SUN1: variants seen among roughly 807,000 people sequenced by gnomAD.
SUN1 encodes the protein SUN domain-containing protein 1.
SUN1 carries 61 observed loss-of-function variants against 103.2 expected under a neutral mutation model. That is an observed-to-expected ratio of 0.59 (90% CI 0.48 to 0.73). The LOEUF (loss-of-function observed/expected upper bound fraction) is 0.73. SUN1 is among the 30% of genes least tolerant of loss of function. SUN1 has a pLI of 0.00. For synonymous variants in SUN1, 490 were observed against 425.7 expected (o/e 1.15, Z -1.86); for missense variants, 1,052 against 1,034.6 (o/e 1.02, Z -0.23).
At chr7:849,412 A>G (rs1819708952) in intron 5 of SUN1, 2 of 804,530 alleles carry the variant, frequency 2.5e-6, no homozygotes, top group Admixed American at 2.4e-5. Context: ...ACTCTGTGGA[A>G]GTGGCTAGCC....
chr7:852,715 CAT>C (rs755184855), intron 8 of SUN1, 48 bp downstream of exon 8: 11 of 1,613,104 alleles, frequency 6.8e-6, no homozygotes, highest in African/African-American at 4.0e-5. Context: ...GCGGTACACA[CAT>C]ATGTGTAACT....
At position 845,668 on chromosome 7, in the gene SUN1, TTTTG is replaced by T. The variant is rs555149327; in HGVS notation, c.658+2156_658+2159del. 2.6e-4 allele frequency among the ~76,000 whole-genome samples: 39 copies of T among 152,244 alleles called. No homozygotes were observed. The South Asian group carries it at 5.4e-3, about 21-fold the overall frequency. Reference sequence around the variant, plus strand: ...CTTAAGTATAAATTGTCCCTCCACATTTTGTTTGTTTTTGTTTTTTATGTATGTA... The same window carrying T: ...CTTAAGTATAAATTGTCCCTCCACATTTTGTTTTTGTTTTTTATGTATGTA... On this transcript the variant is annotated intron_variant, in intron 5 of 18. Transcript: ENST00000401592.
chr7:827,674 C>T (rs1237552459), upstream of SUN1, among the ~76,000 whole-genome samples: 35 of 151,858 alleles, frequency 2.3e-4, no homozygotes, highest in Admixed American at 8.5e-4. Flanking sequence ...TTTCACCATT[C>T]ACAGGATGGT....
At chr7:823,516 G>A (rs1788395003) in intron 1 of SUN1, among the ~76,000 whole-genome samples, 2 of 152,236 alleles carry the variant, frequency 1.3e-5, no homozygotes, top group South Asian at 2.1e-4. Flanking sequence ...GGAGCGGCAT[G>A]TAAATGGGTG....
chr7:856,094 C>A (rs1827028851), intron 11 of SUN1, among the ~76,000 whole-genome samples: 1 of 152,216 alleles, frequency 6.6e-6, no homozygotes, highest in Non-Finnish European at 1.5e-5. Context: ...AGCTGACTCC[C>A]AACCCGGGTG....
At chr7:832,421 A>G, upstream of SUN1, 2 of 1,147,882 alleles carry the variant, frequency 1.7e-6, no homozygotes, top group Non-Finnish European at 2.6e-6. Flanking sequence ...AGTTGCGTGT[A>G]GGCAGCTCAG....
upstream of SUN1, chr7:815,915 G>A (rs1780232067): frequency 4.5e-6 from 1 of 223,820 alleles, no homozygotes; most frequent in South Asian, 3.9e-5. Context: ...GAAGGCCAAG[G>A]AGGCACTGGC....
chr7:851,595 C>A (rs1822222386), intron 6 of SUN1, 113 bp downstream of exon 6: 1 of 933,878 alleles, frequency 1.1e-6, no homozygotes, highest in Non-Finnish European at 1.7e-6. Context: ...CATGCTTTGA[C>A]CCTTGGCGTA....
intron 1 of SUN1, among the ~76,000 whole-genome samples, chr7:836,442 A>T (rs560464284): frequency 6.6e-4 from 101 of 152,274 alleles, no homozygotes; most frequent in Non-Finnish European, 1.4e-3. Flanking sequence ...TGGCAAGGGG[A>T]GACTCAGGGC....
upstream of SUN1, among the ~76,000 whole-genome samples, chr7:827,500 C>T (rs543435690): frequency 2.1e-5 from 3 of 144,436 alleles, no homozygotes; most frequent in East Asian, 2.2e-4. Flanking sequence ...GATGGGGTCA[C>T]GCTCTGTCCC....
At chr7:852,456 T>C in intron 7 of SUN1, 153 bp from the exon 8 acceptor site, 1 of 826,154 alleles carries the variant, frequency 1.2e-6, no homozygotes, top group Non-Finnish European at 2.0e-6. Flanking sequence ...AAGGTTCTCC[T>C]GAAGGCATCA....
upstream of SUN1, chr7:832,357 G>C (rs1040186374): frequency 5.5e-6 from 4 of 723,096 alleles, no homozygotes; most frequent in Admixed American, 4.2e-5. Context: ...CGTCTGTTTA[G>C]AAAACACTGC....
chr7:866,917 G>A (rs558378468), intron 16 of SUN1, among the ~76,000 whole-genome samples: 2 of 152,060 alleles, frequency 1.3e-5, no homozygotes, highest in Non-Finnish European at 2.9e-5. Context: ...ACTAAAGGAT[G>A]GAGAATTTAA....
intron 11 of SUN1, among the ~76,000 whole-genome samples, chr7:855,791 C>T (rs980698207): frequency 1.3e-5 from 2 of 151,874 alleles, no homozygotes; most frequent in Non-Finnish European, 2.9e-5. Context: ...GGCGCCTCCT[C>T]CTCTGTCCAC....
chr7:861,312 G>A, intron 14 of SUN1, 68 bp from the exon 15 acceptor site: 1 of 1,501,068 alleles, frequency 6.7e-7, no homozygotes, highest in South Asian at 1.1e-5. Context: ...CCTCATCCAT[G>A]GCACTAAAAC....
At chr7:842,241 A>G in intron 3 of SUN1, 111 bp downstream of exon 3, 4 of 1,169,876 alleles carry the variant, frequency 3.4e-6, no homozygotes, top group South Asian at 1.5e-5. Flanking sequence ...GGATTATGCT[A>G]GGGAGAGGGA....
At chr7:864,340 G>A (rs112285966) in intron 15 of SUN1, among the ~76,000 whole-genome samples, 2,179 of 152,122 alleles carry the variant, frequency 0.014, 25 homozygotes, top group Admixed American at 0.023. Context: ...CTGAGATTGG[G>A]AGTTTGAGAC....
chr7:839,230 C>T lies in SUN1; in HGVS notation c.266+244C>T, dbSNP rs546974131. Reference sequence around the variant, plus strand: ...TGTTCTGCTGTTCTTGTTTCAAGTTCTCTTCGCTGGTGCACGCCACGTGCA... The same window carrying T: ...TGTTCTGCTGTTCTTGTTTCAAGTTTTCTTCGCTGGTGCACGCCACGTGCA... On this transcript the variant is annotated intron_variant, in intron 2 of 18. Coordinates refer to ENST00000401592, the MANE Select transcript of SUN1 (RefSeq NM_001130965.3). 1.2e-5 allele frequency: 5 copies of T among 420,140 alleles called. No homozygotes were observed. The Admixed American group carries it at 1.3e-4, about 11-fold the overall frequency. The allele number at this position is 420,140 out of a possible 1,614,324, so 26.0% of individuals were successfully genotyped here. A position where few individuals can be genotyped will look rare whatever the true frequency, so the allele number is the denominator to read the frequency against.
At chr7:823,930 A>T (rs1288439800) in intron 1 of SUN1, among the ~76,000 whole-genome samples, 2 of 152,258 alleles carry the variant, frequency 1.3e-5, no homozygotes, top group African/African-American at 4.8e-5. Flanking sequence ...CTGGAATTAC[A>T]GATGGGTTAC....
Sources: allele counts gnomAD v4.1 joint callset (sites outside exome capture counted in the v4.1 genomes callset), GRCh38; gene constraint gnomAD v4.1.1; transcripts MANE v1.5; gene names NCBI Gene and HGNC (gene_info 2026-07-23, HGNC 2026-07-21).